Variants in OAF observed in about 807,000 individuals in gnomAD.
OAF encodes the protein out at first protein homolog.
OAF carries 13 observed loss-of-function variants against 22.5 expected under a neutral mutation model. The ratio of observed to expected loss-of-function variants is 0.58; its 90% confidence interval spans 0.38 to 0.92. OAF has a LOEUF of 0.92. Ranked by LOEUF, OAF falls within the 40% of genes least tolerant of loss-of-function variation. The pLI is 0.00. For synonymous variants in OAF, 175 were observed against 170.5 expected (o/e 1.03, Z -0.21); for missense variants, 347 against 381.8 (o/e 0.91, Z 0.76).
chr11:120,217,714 A>G (rs1387115358), intron 1 of OAF, among the ~76,000 whole-genome samples: 1 of 152,202 alleles, frequency 6.6e-6, no homozygotes, highest in Non-Finnish European at 1.5e-5. Flanking sequence ...CCGGTACACC[A>G]GAGACAACAG....
Position 120,211,466 on chromosome 11 carries a change from A to C in OAF, c.187A>C (p.Lys63Gln), listed in dbSNP as rs1298982093. Residue 63 changes from lysine to glutamine, a missense_variant, in exon 1 of 4, where the codon AAG becomes CAG. By Grantham distance (53) the Lys-to-Gln change is moderately conservative. Transcript: ENST00000328965. ...GGACAGCATCAGCCTCGAGCTGCGC[A>C]AGCCCGACGGCACCCTCGTCTCCTT... ...DADSISLELR[K>Q]PDGTLVSFTA... 6.6e-7 allele frequency: 1 copy of C among 1,520,612 alleles called. No individual in the cohort carries two copies. The highest frequency in any genetic ancestry group is 8.8e-7 in the Non-Finnish European group (1 of 1,130,620). 94.2% of individuals were successfully genotyped at this position (1,520,612 alleles called of 1,614,324 possible). A position where few individuals can be genotyped will look rare whatever the true frequency, so the allele number is the denominator to read the frequency against.
In OAF at chr11:120,211,091, CG is replaced by C; in HGVS notation, c.-184del. The C allele has an allele frequency of 9.8e-6, 2 of 203,150 alleles. No homozygotes were observed. The highest frequency in any genetic ancestry group is 1.9e-5 in the Non-Finnish European group (2 of 103,516). The allele number at this position is 203,150 out of a possible 1,614,324, so 12.6% of individuals were successfully genotyped here. A position where few individuals can be genotyped will look rare whatever the true frequency, so the allele number is the denominator to read the frequency against. On this transcript the variant is annotated 5_prime_UTR_variant, in exon 1 of 4. Transcript: ENST00000328965. ...AGCGCCGTCTCCGCCTCGGGGCCGC[CG>C]GGGGCGCCCTGCTGAGCGCTACCCA...
intron 3 of OAF, among the ~76,000 whole-genome samples, chr11:120,227,682 G>A (rs1394814905): frequency 1.3e-5 from 2 of 152,090 alleles, no homozygotes; most frequent in African/African-American, 2.4e-5. Flanking sequence ...TTCCAGGACC[G>A]CCCTCAGGTC....
chr11:120,212,458 A>AG (rs1349583256), intron 1 of OAF, among the ~76,000 whole-genome samples: 2 of 151,972 alleles, frequency 1.3e-5, no homozygotes, highest in Non-Finnish European at 2.9e-5. Context: ...GGAGGAAAAG[A>AG]GGGTGGGTAA....
intron 1 of OAF, among the ~76,000 whole-genome samples, chr11:120,220,133 G>T (rs1009225373): frequency 6.6e-5 from 10 of 152,118 alleles, no homozygotes; most frequent in African/African-American, 2.4e-4. Flanking sequence ...ATCTGACTGG[G>T]GCACTGAGAT....
At chr11:120,215,223 A>C (rs750052753) in intron 1 of OAF, among the ~76,000 whole-genome samples, 1 of 152,200 alleles carries the variant, frequency 6.6e-6, no homozygotes, top group Non-Finnish European at 1.5e-5. Flanking sequence ...GCATGGTGGC[A>C]TGCACCTGTA....
In OAF at chr11:120,211,295, G is replaced by A. The variant is rs1938140140; in HGVS notation, c.16G>A (p.Val6Ile). Reference sequence around the variant, plus strand: ...GCCCCCGGGGATGCGCCTTCCCGGGGTACCCCTGGCGCGCCCTGCGCTGCT... The same window carrying A: ...GCCCCCGGGGATGCGCCTTCCCGGGATACCCCTGGCGCGCCCTGCGCTGCT... Reference protein sequence around the residue: MRLPGVPLARPALLLL... With the variant: MRLPGIPLARPALLLL... Residue 6 changes from valine (V) to isoleucine (I), a missense_variant, in exon 1 of 4, where the codon GTA (valine) becomes ATA (isoleucine). By Grantham distance (29) the Val-to-Ile change is conservative. Transcript: ENST00000328965. 1.6e-6 allele frequency: 2 copies of A among 1,267,890 alleles called. No individual in the cohort carries two copies. Among genetic ancestry groups the A allele is most frequent in the African/African-American group, 1.6e-5 (1 of 64,160 alleles). The allele number at this position is 1,267,890 out of a possible 1,614,324, so 78.5% of individuals were successfully genotyped here.
chr11:120,228,801 C>A, intron 3 of OAF, 67 bp from the exon 4 acceptor site: 1 of 1,298,054 alleles, frequency 7.7e-7, no homozygotes, highest in Non-Finnish European at 1.1e-6. Context: ...TGGCAGCGGC[C>A]TCTGACTAGG....
chr11:120,219,912 G>A (rs1938259019), intron 1 of OAF, among the ~76,000 whole-genome samples: 1 of 152,204 alleles, frequency 6.6e-6, no homozygotes, highest in Non-Finnish European at 1.5e-5. Context: ...AGAAGAAAGA[G>A]TGTCTGCACA....
chr11:120,224,264 A>C (rs1938323596), intron 1 of OAF, among the ~76,000 whole-genome samples: 1 of 152,266 alleles, frequency 6.6e-6, no homozygotes, highest in Non-Finnish European at 1.5e-5. Context: ...AAAGGACTGC[A>C]GAAATACATG....
At chr11:120,225,399 C>T (rs1038614517) in intron 1 of OAF, among the ~76,000 whole-genome samples, 7 of 152,102 alleles carry the variant, frequency 4.6e-5, no homozygotes, top group Non-Finnish European at 8.8e-5. Context: ...AGGGGTTCTG[C>T]CGAGAGGAAT....
At position 120,229,488 on chromosome 11, in the gene OAF, C is replaced by T. The variant is rs996223040; in HGVS notation, c.*346C>T. ...TGGTTGTTCTGTTGAACTCCTTGAA[C>T]GTTTAGACCCTAAAAGGAGTCTATA... is the stretch of plus-strand genomic sequence containing the variant. On this transcript the variant is annotated 3_prime_UTR_variant, in exon 4 of 4. Coordinates refer to ENST00000328965, the MANE Select transcript of OAF (RefSeq NM_178507.4). 1 of 266,100 alleles carries T rather than the reference C, an allele frequency of 3.8e-6. No individual in the cohort carries two copies. Among genetic ancestry groups the T allele is most frequent in the Non-Finnish European group, 7.5e-6 (1 of 133,412 alleles). 16.5% of individuals were successfully genotyped at this position (266,100 alleles called of 1,614,324 possible). A position where few individuals can be genotyped will look rare whatever the true frequency, so the allele number is the denominator to read the frequency against.
chr11:120,222,633 G>T (rs1288921732), intron 1 of OAF, among the ~76,000 whole-genome samples: 3 of 151,990 alleles, frequency 2.0e-5, no homozygotes, highest in African/African-American at 7.2e-5. Context: ...CCTGGCAGAG[G>T]CCGGGTGCAG....
At position 120,211,609 on chromosome 11, in the gene OAF, G is replaced by A. The variant is rs1938149398; in HGVS notation, c.231+99G>A. ...GCAGACGGAAAGACGGGCCCAGGAG[G>A]GAGACGCAGCTGGCCCAAGGTCACG... On this transcript the variant is annotated intron_variant, in intron 1 of 3. Coordinates refer to ENST00000328965, the MANE Select transcript of OAF (RefSeq NM_178507.4). The A allele has an allele frequency of 1.0e-5, 9 of 863,652 alleles. No homozygotes were observed. The East Asian group carries it at 2.0e-4, about 19-fold the overall frequency. 53.5% of individuals were successfully genotyped at this position (863,652 alleles called of 1,614,324 possible). A position where few individuals can be genotyped will look rare whatever the true frequency, so the allele number is the denominator to read the frequency against.
chr11:120,211,590 G>A, intron 1 of OAF, 80 bp downstream of exon 1: 7 of 1,020,684 alleles, frequency 6.9e-6, no homozygotes, highest in Non-Finnish European at 9.3e-6. Flanking sequence ...GCCTGCAGAC[G>A]GAAAGACGGG....
At chr11:120,225,002 G>T (rs1411180713) in intron 1 of OAF, among the ~76,000 whole-genome samples, 1 of 152,184 alleles carries the variant, frequency 6.6e-6, no homozygotes, top group African/African-American at 2.4e-5. Context: ...CCCTTGGACT[G>T]CGGCAATGCC....
chr11:120,218,551 C>A (rs77761853), intron 1 of OAF, among the ~76,000 whole-genome samples: 2 of 152,208 alleles, frequency 1.3e-5, no homozygotes, highest in Non-Finnish European at 2.9e-5. Context: ...ATTGGCTCAG[C>A]CTGGGCCCCA....
intron 1 of OAF, among the ~76,000 whole-genome samples, chr11:120,221,555 G>A (rs1428239720): frequency 6.6e-6 from 1 of 152,204 alleles, no homozygotes; most frequent in African/African-American, 2.4e-5. Flanking sequence ...ATTTTATTCA[G>A]CTTGCCAATG....
chr11:120,225,576 G>A, intron 1 of OAF, 85 bp from the exon 2 acceptor site: 3 of 1,296,330 alleles, frequency 2.3e-6, no homozygotes, highest in Non-Finnish European at 3.1e-6. Context: ...CAGGCATCCT[G>A]TTCAGGGGCC....
Sources: allele counts gnomAD v4.1 joint callset (sites outside exome capture counted in the v4.1 genomes callset), GRCh38; gene constraint gnomAD v4.1.1; transcripts MANE v1.5; gene names NCBI Gene and HGNC (gene_info 2026-07-23, HGNC 2026-07-21).